SNAP47: variants seen among roughly 807,000 people sequenced by gnomAD.
The protein encoded by SNAP47 is synaptosomal-associated protein 47.
A neutral mutation model predicts 31.4 loss-of-function variants in SNAP47; 20 were observed. The observed-to-expected ratio is 0.64, with a 90% CI of 0.45 to 0.93. SNAP47 has a LOEUF of 0.93. SNAP47 is among the 40% of genes least tolerant of loss of function. The probability of loss-of-function intolerance (pLI) is 0.00; values close to 1 mark genes in which losing one functional copy is unlikely to be tolerated. For synonymous variants in SNAP47, 194 were observed against 213.4 expected (o/e 0.91, Z 0.79); for missense variants, 492 against 528.5 (o/e 0.93, Z 0.68).
rs1015504826 is a variant in SNAP47 at position 227,776,774 on chromosome 1, C to T, written c.1114-3753C>T. The T allele has an allele frequency of 1.4e-5, 14 of 985,338 alleles. No homozygotes were observed. The African/African-American group carries it at 2.3e-4, about 16-fold the overall frequency. 61.0% of individuals were successfully genotyped at this position (985,338 alleles called of 1,614,324 possible). Reference sequence around the variant, plus strand: ...CTGCAGACCTAGCAGCTGTACAGATCGCTCTTGTGTTTTTGCACTATTAAT... The same window carrying T: ...CTGCAGACCTAGCAGCTGTACAGATTGCTCTTGTGTTTTTGCACTATTAAT... On this transcript the variant is annotated intron_variant, in intron 4 of 4. Coordinates refer to ENST00000617596, the MANE Select transcript of SNAP47 (RefSeq NM_053052.4).
upstream of SNAP47, chr1:227,733,168 T>G (rs1158551584): frequency 9.8e-7 from 1 of 1,023,564 alleles, no homozygotes; most frequent in African/African-American, 1.6e-5. Flanking sequence ...CAGGGCTTGC[T>G]CAGCAGGGAA....
chr1:227,759,471 C>T lies in SNAP47; in HGVS notation c.974C>T (p.Ser325Leu). 6.2e-7 allele frequency: 1 copy of T among 1,613,894 alleles called. No homozygotes were observed. Among genetic ancestry groups the T allele is most frequent in the Non-Finnish European group, 8.5e-7 (1 of 1,179,882 alleles). Residue 325 changes from serine to leucine, a missense_variant, in exon 3 of 5, where the codon TCA becomes TTA. Physicochemically the swap from Ser to Leu is moderately radical, Grantham distance 145. Transcript: ENST00000617596. ...RTSSPAEKSC[S>L]VWHAASGLMG... ...TCTTCCCCCGCAGAGAAGAGCTGCT[C>T]AGTCTGGCATGCAGGTTAGTGACCG... is the stretch of plus-strand genomic sequence containing the variant.
Position 227,778,494 on chromosome 1 carries a change from G to A in SNAP47, c.1114-2033G>A, listed in dbSNP as rs111351605. Among the ~76,000 whole-genome samples, 219 of 152,342 alleles carry A rather than the reference G, an allele frequency of 1.4e-3. 1 individual carries two copies. The highest frequency in any genetic ancestry group is 2.3e-3 in the Non-Finnish European group (155 of 68,036). ...TAGGGACTGAGACCAGATCCCGAGC[G>A]GATCCATGTCCCTGGCTTCCAGGAG... On this transcript the variant is annotated intron_variant, in intron 4 of 4. Coordinates refer to ENST00000617596, the MANE Select transcript of SNAP47 (RefSeq NM_053052.4).
chr1:227,768,490 A>G (rs1027695066), intron 4 of SNAP47: 7 of 218,852 alleles, frequency 3.2e-5, no homozygotes, highest in African/African-American at 1.4e-4. Flanking sequence ...TTAAAAACCA[A>G]TTCTTACTTT....
chr1:227,737,063 T>C (rs1661258863), intron 1 of SNAP47, among the ~76,000 whole-genome samples: 1 of 152,208 alleles, frequency 6.6e-6, no homozygotes, highest in African/African-American at 2.4e-5. Context: ...GGTTGAAGCC[T>C]GGTGGGGAAA....
chr1:227,739,159 T>C (rs988146675), intron 1 of SNAP47, among the ~76,000 whole-genome samples: 12 of 152,112 alleles, frequency 7.9e-5, no homozygotes, highest in Admixed American at 6.5e-4. Flanking sequence ...TCCATTAGGA[T>C]GGTTTTTTGT....
rs534118253 is a variant in SNAP47 at position 227,741,476 on chromosome 1, G to A, written c.-46+5977G>A. 6.6e-6 allele frequency among the ~76,000 whole-genome samples: 1 copy of A among 152,162 alleles called. No individual in the cohort carries two copies. Among genetic ancestry groups the A allele is most frequent in the Non-Finnish European group, 1.5e-5 (1 of 68,034 alleles). On this transcript the variant is annotated intron_variant, in intron 1 of 4. Transcript: ENST00000617596. The surrounding 1 kb of genome is among the most constrained non-coding windows in gnomAD (Gnocchi z 4.2). ...TTTGTAAGTGAGGTCCTGTGGGGTGGCACACCCCATGTTGATGTCTTGTGT... is the reference window on the plus strand; with the variant it reads ...TTTGTAAGTGAGGTCCTGTGGGGTGACACACCCCATGTTGATGTCTTGTGT...
chr1:227,764,987 A>T (rs1365005713), intron 3 of SNAP47, among the ~76,000 whole-genome samples: 1 of 152,350 alleles, frequency 6.6e-6, no homozygotes, highest in East Asian at 1.9e-4. Context: ...AAGCAAGAGG[A>T]TCACTCGAGC....
chr1:227,766,083 G>A (rs1444354648), intron 3 of SNAP47, among the ~76,000 whole-genome samples: 1 of 152,122 alleles, frequency 6.6e-6, no homozygotes, highest in East Asian at 1.9e-4. Flanking sequence ...CACTGCTCCC[G>A]GGCTGCATCC....
intron 1 of SNAP47, among the ~76,000 whole-genome samples, chr1:227,745,302 C>T (rs1467602572): frequency 1.3e-5 from 2 of 152,200 alleles, no homozygotes; most frequent in Non-Finnish European, 2.9e-5. Flanking sequence ...ACAGAGGCCC[C>T]TGCAGGGCCT....
intron 4 of SNAP47, among the ~76,000 whole-genome samples, chr1:227,777,912 T>G (rs569650221): frequency 5.9e-5 from 9 of 152,314 alleles, no homozygotes; most frequent in Admixed American, 2.6e-4. Context: ...GAGTGTATCC[T>G]CAGGACCGGG....
intron 3 of SNAP47, among the ~76,000 whole-genome samples, chr1:227,761,867 G>A (rs2102960620): frequency 6.6e-6 from 1 of 152,310 alleles, no homozygotes; most frequent in South Asian, 2.1e-4. Context: ...GCACTCCTGT[G>A]TTCCGCAGGC....
intron 3 of SNAP47, among the ~76,000 whole-genome samples, chr1:227,764,758 G>A (rs1572034386): frequency 6.6e-6 from 1 of 152,094 alleles, no homozygotes; most frequent in Non-Finnish European, 1.5e-5. Flanking sequence ...AAAAAAATTA[G>A]CCGGGTGTGG....
Position 227,737,992 on chromosome 1 carries a change from G to T in SNAP47, c.-46+2493G>T, listed in dbSNP as rs1009841525. 2.6e-5 allele frequency among the ~76,000 whole-genome samples: 4 copies of T among 151,942 alleles called. No individual in the cohort carries two copies. In the East Asian group the frequency reaches 7.7e-4, roughly 29 times the overall value. On this transcript the variant is annotated intron_variant, in intron 1 of 4. Coordinates refer to ENST00000617596, the MANE Select transcript of SNAP47 (RefSeq NM_053052.4). ...CCAGTTCCGTCCAGAGATGACTGGG[G>T]TTTTTTTGCTTTGGTTTTTTTTGGT... is the stretch of plus-strand genomic sequence containing the variant.
rs1234242935 is a variant in SNAP47 at position 227,752,851 on chromosome 1, TAA to T, written c.497+4619_497+4620del. On this transcript the variant is annotated intron_variant, in intron 2 of 4. Transcript: ENST00000617596. ...ACCTGCAGAGTCTCAGATGGGCAGT[TAA>T]TCCTTGCTTTCTTGGTCAATGCCTT... Among the ~76,000 whole-genome samples, 12 of 152,338 alleles carry T rather than the reference TAA, an allele frequency of 7.9e-5. No individual in the cohort carries two copies. The East Asian group carries it at 2.3e-3, about 29-fold the overall frequency.
chr1:227,768,524 C>G (rs540993738), intron 4 of SNAP47, among the ~76,000 whole-genome samples: 2 of 152,358 alleles, frequency 1.3e-5, no homozygotes, highest in Non-Finnish European at 2.9e-5. Flanking sequence ...GGCATAAACT[C>G]CTTTGAGGCC....
At chr1:227,778,361 C>T (rs1281868045) in intron 4 of SNAP47, among the ~76,000 whole-genome samples, 1 of 152,226 alleles carries the variant, frequency 6.6e-6, no homozygotes, top group Non-Finnish European at 1.5e-5. Flanking sequence ...CTGGCAGGGG[C>T]CTTGGGCCAT....
chr1:227,731,275 T>C (rs76269517), upstream of SNAP47: 2 of 152,398 alleles, frequency 1.3e-5, no homozygotes, highest in East Asian at 3.9e-4. Flanking sequence ...CATGATTCAC[T>C]GAACAGAGCA....
At chr1:227,744,654 T>TA (rs1661837872) in intron 1 of SNAP47, among the ~76,000 whole-genome samples, 1 of 151,612 alleles carries the variant, frequency 6.6e-6, no homozygotes, top group Non-Finnish European at 1.5e-5. Flanking sequence ...TCTGTTCAGA[T>TA]ACTAAAAACA....
Sources: allele counts gnomAD v4.1 joint callset (sites outside exome capture counted in the v4.1 genomes callset), GRCh38; gene constraint gnomAD v4.1.1; non-coding constraint Gnocchi (gnomAD v3.1); transcripts MANE v1.5; gene names NCBI Gene and HGNC (gene_info 2026-07-23, HGNC 2026-07-21).